ZNF574: variants seen among roughly 807,000 people sequenced by gnomAD.
ZNF574 encodes zinc finger protein 574.
Under a neutral mutation model 56.6 loss-of-function variants are expected in ZNF574, and 25 were observed. The ratio of observed to expected loss-of-function variants is 0.44; its 90% CI spans 0.32 to 0.62. ZNF574 has a LOEUF of 0.62. ZNF574 is among the 20% of genes least tolerant of loss of function. The pLI is 0.04. For synonymous variants in ZNF574, 543 were observed against 492.1 expected (o/e 1.10, Z -1.37); for missense variants, 1,065 against 1,218.9 (o/e 0.87, Z 1.88).
chr19:42,077,151 G>A (rs185586945), intron 1 of ZNF574, among the ~76,000 whole-genome samples: 14 of 152,064 alleles, frequency 9.2e-5, no homozygotes, highest in African/African-American at 3.1e-4. Flanking sequence ...AAGACGCTGG[G>A]GGGTCTGAGT....
rs576397997 is a variant in ZNF574, at chr19:42,068,843, G to A, written c.132G>A (p.Gly44=). ...AGGAGATAGAGACTGGACGGGGTGG[G>A]GACAGGGCCAAGGCCCACCGCAGGC... Residue 44 remains glycine (G), a synonymous_variant, in exon 1 of 2, where the codon GGG becomes GGA. Transcript: ENST00000222339. The A allele has an allele frequency of 2.2e-4, 150 of 675,890 alleles. No individual in the cohort carries two copies. In the African/African-American group the frequency reaches 2.3e-3, roughly 10 times the overall value. 41.9% of individuals were successfully genotyped at this position (675,890 alleles called of 1,614,324 possible).
rs764730148 is a variant in ZNF574 at position 42,080,447 on chromosome 19, G to A, written c.1841G>A (p.Arg614His). ...EYPYKCRECP[R>H]SFLLRRLLEV... The stretch of plus-strand genomic sequence containing the variant: ...CCCTACAAGTGTCGCGAGTGCCCCC[G>A]CTCCTTCTTGCTGCGTCGGCTGCTG... Residue 614 changes from arginine (R) to histidine (H), a missense_variant, in exon 2 of 2, where the codon CGC (arginine) becomes CAC (histidine). Transcript: ENST00000359044. This position sits in a 1 kb window ranked among gnomAD's most constrained non-coding sequence, Gnocchi z 8.5. 7 of 1,614,088 alleles carry A rather than the reference G, an allele frequency of 4.3e-6. No homozygotes were observed. Among genetic ancestry groups the A allele is most frequent in the African/African-American group, 2.7e-5 (2 of 75,008 alleles).
chr19:42,079,114 C>T lies in ZNF574; in HGVS notation c.508C>T (p.Pro170Ser), dbSNP rs1207722105. 1 of 1,613,986 alleles carries T rather than the reference C, an allele frequency of 6.2e-7. No homozygotes were observed. Among genetic ancestry groups the T allele is most frequent in the Non-Finnish European group, 8.5e-7 (1 of 1,179,994 alleles). The change falls in exon 2 of 2, where the codon CCT becomes TCT. Residue 170 changes from proline (P) to serine (S), a missense_variant. Coordinates refer to ENST00000359044, the MANE Select transcript of ZNF574 (RefSeq NM_022752.6). The surrounding 1 kb of genome is among the most constrained non-coding windows in gnomAD (Gnocchi z 4.3). Reference sequence around the variant, plus strand: ...CCTGGGGTCCCCAGTTGTTCTAGGGCCTCCTGTGGGCCAGGCCCGAGTGGC... The same window carrying T: ...CCTGGGGTCCCCAGTTGTTCTAGGGTCTCCTGTGGGCCAGGCCCGAGTGGC... Reference protein sequence around the residue: ...VVLGSPVVLGPPVGQARVAVE... With the variant: ...VVLGSPVVLGSPVGQARVAVE...
chr19:42,076,912 G>T (rs2076460239), intron 1 of ZNF574, among the ~76,000 whole-genome samples: 1 of 152,090 alleles, frequency 6.6e-6, no homozygotes, highest in East Asian at 1.9e-4. Flanking sequence ...GGTACCCTTG[G>T]AATGCGTGGA....
Position 42,079,378 on chromosome 19 carries a change from C to T in ZNF574, c.772C>T (p.Pro258Ser). 1 of 1,613,686 alleles carries T rather than the reference C, an allele frequency of 6.2e-7. No individual in the cohort carries two copies. Among genetic ancestry groups the T allele is most frequent in the Non-Finnish European group, 8.5e-7 (1 of 1,180,008 alleles). ...ALQQEVQASSPAEVPVSQPDP... is the reference protein window; with the variant it reads ...ALQQEVQASSSAEVPVSQPDP... Reference sequence around the variant, plus strand: ...ACAGCAGGAGGTGCAGGCCTCGTCACCTGCAGAGGTGCCTGTGTCTCAGCC... The same window carrying T: ...ACAGCAGGAGGTGCAGGCCTCGTCATCTGCAGAGGTGCCTGTGTCTCAGCC... The change falls in exon 2 of 2, where the codon CCT becomes TCT. Residue 258 changes from proline (P) to serine (S), a missense_variant. Transcript: ENST00000359044. The surrounding 1 kb of genome is among the most constrained non-coding windows in gnomAD (Gnocchi z 4.3).
In ZNF574 at chr19:42,078,697, G is replaced by A; in HGVS notation, c.91G>A (p.Val31Met). 6.2e-7 allele frequency: 1 copy of A among 1,614,070 alleles called. No homozygotes were observed. The highest frequency in any genetic ancestry group is 8.5e-7 in the Non-Finnish European group (1 of 1,179,976). The stretch of plus-strand genomic sequence containing the variant: ...CCAGCTGTATGGATCACTGGAAGAG[G>A]TGCTTATGCACCAAAACTCCCACGT... ...CNQLYGSLEE[V>M]LMHQNSHVPQ... Residue 31 changes from valine (V) to methionine (M), a missense_variant, in exon 2 of 2, where the codon GTG (valine) becomes ATG (methionine). Val to Met is a conservative substitution (Grantham distance 21, BLOSUM62 1). Transcript: ENST00000359044.
rs539977618 is a variant in ZNF574, at chr19:42,078,797, C to T, written c.191C>T (p.Thr64Met). 7.4e-6 allele frequency: 12 copies of T among 1,614,070 alleles called. No homozygotes were observed. The highest frequency in any genetic ancestry group is 2.2e-5 in the East Asian group (1 of 44,872). The change falls in exon 2 of 2, where the codon ACG becomes ATG. Residue 64 changes from threonine to methionine, a missense_variant. By Grantham distance (81) the Thr-to-Met change is moderately conservative. Coordinates refer to ENST00000359044, the MANE Select transcript of ZNF574 (RefSeq NM_022752.6). ...VTVATDTASG[T>M]GLYQTLVQES... The stretch of plus-strand genomic sequence containing the variant: ...GTGGCCACAGACACAGCTTCAGGCA[C>T]GGGCCTCTATCAGACCCTTGTGCAG...
Position 42,080,862 on chromosome 19 carries a change from A to G in ZNF574, c.2256A>G (p.Ser752=). The change falls in exon 2 of 2, where the codon TCA becomes TCG. Residue 752 remains serine, a synonymous_variant. Transcript: ENST00000359044. The surrounding 1 kb of genome is among the most constrained non-coding windows in gnomAD (Gnocchi z 8.5). ...AGAAGCTGTTCAGCACAGAGACGTC[A>G]CTGCAGGTGCACCGGCGCATCCACA... is the stretch of plus-strand genomic sequence containing the variant. ...ECKKLFSTET[S]LQVHRRIHTG... 6.2e-7 allele frequency: 1 copy of G among 1,613,920 alleles called. No individual in the cohort carries two copies. The highest frequency in any genetic ancestry group is 1.1e-5 in the South Asian group (1 of 91,082).
Position 42,081,332 on chromosome 19 carries a change from C to G in ZNF574, c.*35C>G, listed in dbSNP as rs2076500773. ...ACTTCCTCTTTGGCACCTCCATTCC[C>G]TGTTGCTGAAGGCCCTCCAGCATCC... On this transcript the variant is annotated 3_prime_UTR_variant, in exon 2 of 2. Transcript: ENST00000359044. 5.0e-6 allele frequency: 8 copies of G among 1,613,780 alleles called. No individual in the cohort carries two copies. In the East Asian group the frequency reaches 1.8e-4, roughly 36 times the overall value.
At chr19:42,074,899 T>TTTCAGATGGAGTCTCGCTCTGTCGCCC (rs1422371969), upstream of ZNF574, 18 of 152,302 alleles carry the variant, frequency 1.2e-4, no homozygotes, top group Admixed American at 1.2e-3. Context: ...TCTTTTCTTC[T>TTTCAGATGGAGTCTCGCTCTGTCGCCC]TTCAGATGGA....
At chr19:42,069,107 C>T in intron 1 of ZNF574, 1 of 433,752 alleles carries the variant, frequency 2.3e-6, no homozygotes, top group Non-Finnish European at 4.1e-6. Flanking sequence ...GGGCGCAGAG[C>T]AGGCCCCTAG....
At chr19:42,068,481 G>A in exon 1 of ZNF574, 1 of 363,546 alleles carries the variant, frequency 2.8e-6, no homozygotes, top group Non-Finnish European at 4.9e-6. Flanking sequence ...GGCAGCAGCT[G>A]AGGAGGGAGG....
At position 42,080,634 on chromosome 19, in the gene ZNF574, G is replaced by A; in HGVS notation, c.2028G>A (p.Val676=). 6.2e-7 allele frequency: 1 copy of A among 1,612,906 alleles called. No homozygotes were observed. The highest frequency in any genetic ancestry group is 2.2e-5 in the East Asian group (1 of 44,864). The part of the protein sequence containing the change: ...RFECGTCGKK[V]GSAARLQAHE... Reference sequence around the variant, plus strand: ...AGTGTGGCACCTGTGGCAAGAAAGTGGGCTCAGCTGCTCGACTGCAGGCAC... The same window carrying A: ...AGTGTGGCACCTGTGGCAAGAAAGTAGGCTCAGCTGCTCGACTGCAGGCAC... The change falls in exon 2 of 2, where the codon GTG becomes GTA. Residue 676 remains valine (V), a synonymous_variant. Transcript: ENST00000359044. The surrounding 1 kb of genome is among the most constrained non-coding windows in gnomAD (Gnocchi z 8.5).
upstream of ZNF574, among the ~76,000 whole-genome samples, chr19:42,071,254 G>T (rs1468110669): frequency 7.7e-6 from 1 of 130,484 alleles, no homozygotes; most frequent in African/African-American, 2.8e-5. Flanking sequence ...AGAGAGAAGC[G>T]ACACAGATCT....
chr19:42,078,483 C>A, intron 1 of ZNF574, 104 bp from the exon 2 acceptor site: 2 of 1,022,120 alleles, frequency 2.0e-6, no homozygotes, highest in Non-Finnish European at 2.9e-6. Flanking sequence ...GAAGGAAGAA[C>A]TTAAGGGGGT....
rs1474906322 is a variant in ZNF574 at position 42,081,290 on chromosome 19, G to A, written c.2684G>A (p.Ser895Asn). 1 of 1,614,152 alleles carries A rather than the reference G, an allele frequency of 6.2e-7. No individual in the cohort carries two copies. Among genetic ancestry groups the A allele is most frequent in the East Asian group, 2.2e-5 (1 of 44,878 alleles). ...PLAEAEGVQISG is the reference protein window; with the variant it reads ...PLAEAEGVQING The stretch of plus-strand genomic sequence containing the variant: ...GCCGAGGCTGAGGGGGTCCAGATCA[G>A]TGGCTGACTCTGCCCGACTTCCTCT... The change falls in exon 2 of 2, where the codon AGT (serine) becomes AAT (asparagine). Residue 895 changes from serine to asparagine, a missense_variant. Ser to Asn is a conservative substitution (Grantham distance 46). Transcript: ENST00000359044.
chr19:42,080,192 C>G lies in ZNF574; in HGVS notation c.1586C>G (p.Ser529Cys), dbSNP rs1350030247. The change falls in exon 2 of 2, where the codon TCC (serine) becomes TGC (cysteine). Residue 529 changes from serine (S) to cysteine (C), a missense_variant. By Grantham distance (112) the Ser-to-Cys change is moderately radical. Transcript: ENST00000359044. This position sits in a 1 kb window ranked among gnomAD's most constrained non-coding sequence, Gnocchi z 8.5. ...GERPFPCPDC[S>C]KPFNSPANLA... ...CGGCCCTTCCCCTGCCCTGACTGCT[C>G]CAAGCCCTTCAACTCACCTGCCAAC... is the stretch of plus-strand genomic sequence containing the variant. 6 of 1,613,344 alleles carry G rather than the reference C, an allele frequency of 3.7e-6. No individual in the cohort carries two copies. In the Admixed American group the frequency reaches 6.7e-5, roughly 18 times the overall value.
Position 42,078,852 on chromosome 19 carries a change from T to G in ZNF574, c.246T>G (p.Gly82=), listed in dbSNP as rs761351803. The G allele has an allele frequency of 2.5e-6, 4 of 1,613,914 alleles. No individual in the cohort carries two copies. In the East Asian group the frequency reaches 8.9e-5, roughly 36 times the overall value. ...QESQYQCLEC[G]QLLMSPSQLL... ...GCCAGTACCAGTGCCTGGAGTGTGG[T>G]CAACTGCTGATGTCACCCAGCCAGC... The change falls in exon 2 of 2, where the codon GGT becomes GGG. Residue 82 remains glycine, a synonymous_variant. Coordinates refer to ENST00000359044, the MANE Select transcript of ZNF574 (RefSeq NM_022752.6).
chr19:42,081,049 A>G lies in ZNF574; in HGVS notation c.2443A>G (p.Ile815Val), dbSNP rs1250637110. ...CATGCGCCTGGCAGAACATCGCCGC[A>G]TCCACACAGGCGAACGACCCTACTC... is the stretch of plus-strand genomic sequence containing the variant. ...ISMRLAEHRR[I>V]HTGERPYSCP... The change falls in exon 2 of 2, where the codon ATC becomes GTC. Residue 815 changes from isoleucine (I) to valine (V), a missense_variant. Coordinates refer to ENST00000359044, the MANE Select transcript of ZNF574 (RefSeq NM_022752.6). The G allele has an allele frequency of 9.3e-6, 15 of 1,614,106 alleles. No individual in the cohort carries two copies. The Admixed American group carries it at 2.5e-4, about 27-fold the overall frequency.
Sources: gnomAD v4.1 joint callset for allele counts (sites outside exome capture counted in the v4.1 genomes callset) on GRCh38, gnomAD v4.1.1 for gene constraint, Gnocchi (gnomAD v3.1) non-coding constraint, MANE v1.5 for transcripts, NCBI Gene and HGNC (gene_info 2026-07-23, HGNC 2026-07-21) for gene names.